The following SRBD1 variants were observed in gnomAD, a reference collection of about 807,000 sequenced individuals.
The protein encoded by SRBD1 is S1 RNA binding domain 1.
Under a neutral mutation model 115.3 loss-of-function variants are expected in SRBD1, and 88 were observed. That is an observed-to-expected ratio of 0.76 (90% confidence interval 0.64 to 0.91). The LOEUF is 0.91. Among genes scored for constraint, SRBD1 ranks in the 40% least tolerant of loss-of-function variants. The probability of loss-of-function intolerance (pLI) is 0.00; values close to 1 mark genes in which losing one functional copy is unlikely to be tolerated. For missense variants in SRBD1, 1,385 were observed against 1,177.4 expected (o/e 1.18, Z -2.58); for synonymous variants, 509 against 407.7 (o/e 1.25, Z -2.99).
At chr2:45,500,172 C>T (rs1178739269) in intron 14 of SRBD1, among the ~76,000 whole-genome samples, 1 of 151,638 alleles carries the variant, frequency 6.6e-6, no homozygotes, top group Non-Finnish European at 1.5e-5. Context: ...ATTTCTTTCA[C>T]CAGTATTTTA....
chr2:45,533,563 G>C (rs1671677067), intron 14 of SRBD1, among the ~76,000 whole-genome samples: 1 of 151,996 alleles, frequency 6.6e-6, no homozygotes, highest in Non-Finnish European at 1.5e-5. Flanking sequence ...GAACAAAATT[G>C]TATACAGGAA....
At chr2:45,392,793 T>A in intron 20 of SRBD1, 152 bp downstream of exon 20, 1 of 815,722 alleles carries the variant, frequency 1.2e-6, no homozygotes, top group Non-Finnish European at 1.8e-6. Context: ...TATAATGACT[T>A]TGAAGGAAGA....
At chr2:45,590,264 G>A (rs536431721) in intron 4 of SRBD1, among the ~76,000 whole-genome samples, 178 of 152,302 alleles carry the variant, frequency 1.2e-3, no homozygotes, top group African/African-American at 4.1e-3. Context: ...CTAGGCGTAC[G>A]CTGAACTAAC....
Position 45,562,547 on chromosome 2 carries a change from A to G in SRBD1, c.1409+106T>C, listed in dbSNP as rs569363272. ...GCGCCCGGCCTGTCACTGGCTTTTT[A>G]AAAATGTTCACGTAATAGACATCTT... On this transcript the variant is annotated intron_variant, in intron 10 of 20. Transcript: ENST00000263736. The G allele has an allele frequency of 3.3e-6, 3 of 911,712 alleles. No individual in the cohort carries two copies. The Admixed American group carries it at 1.0e-4, about 30-fold the overall frequency. 56.5% of individuals were successfully genotyped at this position (911,712 alleles called of 1,614,324 possible).
At position 45,553,539 on chromosome 2, in the gene SRBD1, A is replaced by C. The variant is rs1209416844; in HGVS notation, c.1517+84T>G. The C allele has an allele frequency of 6.9e-6, 6 of 875,046 alleles. No individual in the cohort carries two copies. The East Asian group carries it at 1.4e-4, about 21-fold the overall frequency. 54.2% of individuals were successfully genotyped at this position (875,046 alleles called of 1,614,324 possible). A position where few individuals can be genotyped will look rare whatever the true frequency, so the allele number is the denominator to read the frequency against. On this transcript the variant is annotated intron_variant, in intron 11 of 20. Coordinates refer to ENST00000263736, the MANE Select transcript of SRBD1 (RefSeq NM_018079.5). Reference sequence around the variant, plus strand: ...ATTCTTTCGATTGGTTAATCAATCAACAAACATTAGCTACACACTGTAATG... The same window carrying C: ...ATTCTTTCGATTGGTTAATCAATCACCAAACATTAGCTACACACTGTAATG...
At chr2:45,535,467 A>T (rs1309334666) in intron 14 of SRBD1, among the ~76,000 whole-genome samples, 2 of 151,992 alleles carry the variant, frequency 1.3e-5, no homozygotes, top group African/African-American at 4.8e-5. Flanking sequence ...CCTGTCCAAG[A>T]TTACACTCAG....
At chr2:45,529,816 C>T (rs1671558062) in intron 14 of SRBD1, among the ~76,000 whole-genome samples, 1 of 151,936 alleles carries the variant, frequency 6.6e-6, no homozygotes, top group Non-Finnish European at 1.5e-5. Context: ...CTAGAAATTA[C>T]AGCATACAAG....
intron 16 of SRBD1, among the ~76,000 whole-genome samples, chr2:45,470,346 T>C (rs1669609093): frequency 6.6e-6 from 1 of 152,160 alleles, no homozygotes; most frequent in African/African-American, 2.4e-5. Flanking sequence ...TGATTTTCCT[T>C]TTACAGTAAT....
At chr2:45,496,998 G>A (rs574844914) in intron 14 of SRBD1, among the ~76,000 whole-genome samples, 1 of 152,222 alleles carries the variant, frequency 6.6e-6, no homozygotes, top group African/African-American at 2.4e-5. Flanking sequence ...ACAGATGGAG[G>A]GAAAGAATGA....
chr2:45,603,244 C>T (rs1674157176), intron 2 of SRBD1, among the ~76,000 whole-genome samples: 1 of 152,068 alleles, frequency 6.6e-6, no homozygotes. Context: ...GCACAGATAC[C>T]GTTGTGTTAT....
intron 14 of SRBD1, among the ~76,000 whole-genome samples, chr2:45,489,390 G>A (rs1558429257): frequency 6.6e-6 from 1 of 152,150 alleles, no homozygotes; most frequent in Non-Finnish European, 1.5e-5. Flanking sequence ...TGAACATTGA[G>A]AAGTAAAATG....
intron 4 of SRBD1, among the ~76,000 whole-genome samples, chr2:45,598,033 G>A (rs183127848): frequency 6.6e-6 from 1 of 152,328 alleles, no homozygotes; most frequent in East Asian, 1.9e-4. Flanking sequence ...GAAAAGAGAA[G>A]GGAAGTGGTA....
chr2:45,588,892 G>A (rs1033466726), intron 4 of SRBD1, among the ~76,000 whole-genome samples: 2 of 152,164 alleles, frequency 1.3e-5, no homozygotes, highest in Non-Finnish European at 2.9e-5. Flanking sequence ...CTCCTTTATT[G>A]CTTAAACTAG....
chr2:45,405,262 A>G (rs1667399088), intron 19 of SRBD1, among the ~76,000 whole-genome samples: 1 of 152,200 alleles, frequency 6.6e-6, no homozygotes, highest in Admixed American at 6.6e-5. Context: ...AGATTCTGTC[A>G]GTTCTAGCCT....
rs952983274 is a variant in SRBD1, at chr2:45,455,577, A to G, written c.2049+21416T>C. The stretch of plus-strand genomic sequence containing the variant: ...AGGAAAGCCATTATCCTAACTCTGA[A>G]GGCCACTCAGAGGGAAACCCTCTGA... On this transcript the variant is annotated intron_variant, in intron 16 of 20. Coordinates refer to ENST00000263736, the MANE Select transcript of SRBD1 (RefSeq NM_018079.5). Among the ~76,000 whole-genome samples, 5 of 151,780 alleles carry G rather than the reference A, an allele frequency of 3.3e-5. No homozygotes were observed. In the South Asian group the frequency reaches 6.2e-4, roughly 19 times the overall value.
At position 45,418,473 on chromosome 2, in the gene SRBD1, A is replaced by C; in HGVS notation, c.2225T>G (p.Phe742Cys). ...TTTCTTCAGCTGTTCTCGGTTGATA[A>C]AGGGTCCATTTTTCTCTCGCCATTC... ...IIEWREKNGP[F>C]INREQLKKVK... Residue 742 changes from phenylalanine (F) to cysteine (C), a missense_variant, in exon 18 of 21, where the codon TTT becomes TGT. Physicochemically the swap from Phe to Cys is radical, Grantham distance 205. Coordinates refer to ENST00000263736, the MANE Select transcript of SRBD1 (RefSeq NM_018079.5). The C allele has an allele frequency of 6.2e-7, 1 of 1,614,058 alleles. No homozygotes were observed. The highest frequency in any genetic ancestry group is 8.5e-7 in the Non-Finnish European group (1 of 1,179,980).
chr2:45,587,193 A>T (rs1673574831), intron 4 of SRBD1, among the ~76,000 whole-genome samples: 1 of 145,548 alleles, frequency 6.9e-6, no homozygotes, highest in African/African-American at 2.5e-5. Flanking sequence ...AAAAATTTTT[A>T]AATATTTAAT....
At chr2:45,591,833 A>T (rs1013973794) in intron 4 of SRBD1, among the ~76,000 whole-genome samples, 2 of 152,212 alleles carry the variant, frequency 1.3e-5, no homozygotes, top group Non-Finnish European at 2.9e-5. Context: ...CTAAAGTGTT[A>T]ACTGAATGCA....
intron 20 of SRBD1, among the ~76,000 whole-genome samples, chr2:45,390,883 T>C (rs1312578031): frequency 6.6e-6 from 1 of 152,212 alleles, no homozygotes; most frequent in Non-Finnish European, 1.5e-5. Flanking sequence ...AAATTGGAAT[T>C]GATTCTGTGG....
Sources: allele counts gnomAD v4.1 joint callset (sites outside exome capture counted in the v4.1 genomes callset), GRCh38; gene constraint gnomAD v4.1.1; transcripts MANE v1.5; gene names NCBI Gene and HGNC (gene_info 2026-07-23, HGNC 2026-07-21).